The following SCAPER variants were observed in gnomAD, a reference collection of about 807,000 sequenced individuals.
SCAPER encodes the protein S phase cyclin A-associated protein in the endoplasmic reticulum.
SCAPER carries 98 observed loss-of-function variants against 182.2 expected under a neutral mutation model. That is an observed-to-expected ratio of 0.54 (90% CI 0.46 to 0.64). SCAPER has a LOEUF of 0.64. Ranked by LOEUF, SCAPER falls within the 30% of genes least tolerant of loss-of-function variation. The pLI is 0.00. For missense variants in SCAPER, 1,432 were observed against 1,690.0 expected, an observed-to-expected ratio of 0.85 and a Z score of 2.68; for synonymous variants, 605 against 564.6, an observed-to-expected ratio of 1.07 and a Z score of -1.01.
At chr15:76,736,134 T>C (rs1443346405) in intron 15 of SCAPER, among the ~76,000 whole-genome samples, 1 of 152,248 alleles carries the variant, frequency 6.6e-6, no homozygotes, top group South Asian at 2.1e-4. Flanking sequence ...GCATATAAGT[T>C]ATTTTTACAC....
At chr15:76,458,298 G>T (rs2048893949) in intron 25 of SCAPER, among the ~76,000 whole-genome samples, 1 of 151,700 alleles carries the variant, frequency 6.6e-6, no homozygotes, top group South Asian at 2.1e-4. Flanking sequence ...TAAAGGGAAA[G>T]AGAGAGAGAA....
At chr15:76,358,516 A>G (rs938908387) in intron 29 of SCAPER, among the ~76,000 whole-genome samples, 3 of 152,186 alleles carry the variant, frequency 2.0e-5, no homozygotes, top group Non-Finnish European at 4.4e-5. Context: ...GGGGCTGGTG[A>G]GGGCCTTCCT....
chr15:76,671,212 G>A (rs1465775493), intron 20 of SCAPER, among the ~76,000 whole-genome samples: 3 of 151,968 alleles, frequency 2.0e-5, no homozygotes, highest in Admixed American at 6.6e-5. Flanking sequence ...ATGCACCTGC[G>A]GTCCCAGCTC....
intron 3 of SCAPER, among the ~76,000 whole-genome samples, chr15:76,858,961 C>G (rs2151869487): frequency 6.6e-6 from 1 of 152,178 alleles, no homozygotes; most frequent in Admixed American, 6.5e-5. Context: ...TATGGTAGAA[C>G]AATTTATATT....
chr15:76,698,367 T>C (rs755091562), intron 20 of SCAPER, among the ~76,000 whole-genome samples: 70 of 152,156 alleles, frequency 4.6e-4, no homozygotes, highest in Non-Finnish European at 4.4e-4. Context: ...CAAACATGAA[T>C]ATGCAAGGCT....
intron 22 of SCAPER, among the ~76,000 whole-genome samples, chr15:76,611,846 A>G (rs2051026860): frequency 6.6e-6 from 1 of 152,178 alleles, no homozygotes; most frequent in South Asian, 2.1e-4. Context: ...CAAAAACCAC[A>G]TGATTATCTC....
intron 20 of SCAPER, among the ~76,000 whole-genome samples, chr15:76,697,476 C>A (rs1437268692): frequency 6.6e-6 from 1 of 152,158 alleles, no homozygotes; most frequent in Non-Finnish European, 1.5e-5. Flanking sequence ...CATTTTTCTT[C>A]CGAAGTGCGT....
At chr15:76,808,312 C>T (rs1313070321) in intron 5 of SCAPER, among the ~76,000 whole-genome samples, 1 of 152,150 alleles carries the variant, frequency 6.6e-6, no homozygotes, top group Non-Finnish European at 1.5e-5. Context: ...CCTGCTGCCC[C>T]TTTTCCCCTT....
intron 25 of SCAPER, among the ~76,000 whole-genome samples, chr15:76,462,174 T>C (rs867700346): frequency 6.6e-6 from 1 of 152,190 alleles, no homozygotes; most frequent in African/African-American, 2.4e-5. Context: ...GCACCAACTG[T>C]AGCCTGCCCT....
chr15:76,755,434 T>C (rs62028727), intron 14 of SCAPER, among the ~76,000 whole-genome samples: 10,201 of 152,260 alleles, frequency 0.067, 379 homozygotes, highest in Middle Eastern at 0.11. Flanking sequence ...CAAATTTAAA[T>C]CACACACTAA....
At chr15:76,801,520 T>C (rs988928660) in intron 6 of SCAPER, among the ~76,000 whole-genome samples, 14 of 152,244 alleles carry the variant, frequency 9.2e-5, no homozygotes, top group African/African-American at 2.9e-4. Flanking sequence ...ATTTGAAGAA[T>C]GCAAGATGGA....
chr15:76,464,481 T>C (rs1354915622), intron 25 of SCAPER, among the ~76,000 whole-genome samples: 1 of 152,100 alleles, frequency 6.6e-6, no homozygotes, highest in Non-Finnish European at 1.5e-5. Flanking sequence ...AAGCTGCATA[T>C]ATGAAAAGTC....
At chr15:76,566,156 GTGT>G (rs2047019702) in intron 23 of SCAPER, among the ~76,000 whole-genome samples, 1 of 152,142 alleles carries the variant, frequency 6.6e-6, no homozygotes, top group Non-Finnish European at 1.5e-5. Context: ...GCCTAGGCAT[GTGT>G]TACATAGTCA....
At chr15:76,843,425 G>A (rs527278956) in intron 4 of SCAPER, among the ~76,000 whole-genome samples, 19 of 152,232 alleles carry the variant, frequency 1.2e-4, no homozygotes, top group African/African-American at 4.1e-4. Context: ...AGACTGAATT[G>A]CCTGACAAAG....
intron 22 of SCAPER, among the ~76,000 whole-genome samples, chr15:76,596,051 G>A (rs2145730384): frequency 1.7e-5 from 2 of 119,854 alleles, no homozygotes; most frequent in Non-Finnish European, 2.0e-5. Flanking sequence ...CAACATAGAT[G>A]GACCACTAGC....
In SCAPER at chr15:76,895,187, C is replaced by G. The variant is rs184278133; in HGVS notation, c.-60+10112G>C. ...TATTGAAAGCATCATACACTATGATCAGGTAGGAATTATTTGTGGGTTGCA... is the reference window on the plus strand; with the variant it reads ...TATTGAAAGCATCATACACTATGATGAGGTAGGAATTATTTGTGGGTTGCA... On this transcript the variant is annotated intron_variant, in intron 1 of 31. Coordinates refer to ENST00000563290, the MANE Select transcript of SCAPER (RefSeq NM_020843.4). Among the ~76,000 whole-genome samples the G allele has an allele frequency of 1.9e-3, 292 of 152,222 alleles. 3 individuals carry two copies. Among genetic ancestry groups the G allele is most frequent in the African/African-American group, 6.4e-3 (264 of 41,550 alleles).
At chr15:76,636,510 G>A (rs2053618218) in intron 21 of SCAPER, among the ~76,000 whole-genome samples, 1 of 151,298 alleles carries the variant, frequency 6.6e-6, no homozygotes, top group Non-Finnish European at 1.5e-5. Flanking sequence ...GGAGAATTCT[G>A]AGTTAGGTAA....
At position 76,682,464 on chromosome 15, in the gene SCAPER, A is replaced by T. The variant is rs1393953835; in HGVS notation, c.2509-16675T>A. 2.6e-5 allele frequency among the ~76,000 whole-genome samples: 4 copies of T among 152,056 alleles called. No individual in the cohort carries two copies. In the South Asian group the frequency reaches 8.3e-4, roughly 32 times the overall value. On this transcript the variant is annotated intron_variant, in intron 20 of 31. Coordinates refer to ENST00000563290, the MANE Select transcript of SCAPER (RefSeq NM_020843.4). ...CACTGCAAGCGCGAGTGCAAACACA[A>T]ATGCTGGAAATCCTGCCCCACCCCT... is the stretch of plus-strand genomic sequence containing the variant.
chr15:76,852,128 A>C (rs945372668), intron 4 of SCAPER, among the ~76,000 whole-genome samples: 2 of 152,244 alleles, frequency 1.3e-5, no homozygotes, highest in Non-Finnish European at 2.9e-5. Flanking sequence ...GATTCAATTC[A>C]ACAAGACCTA....
Sources: allele counts gnomAD v4.1 joint callset (sites outside exome capture counted in the v4.1 genomes callset), GRCh38; gene constraint gnomAD v4.1.1; transcripts MANE v1.5; gene names NCBI Gene and HGNC (gene_info 2026-07-23, HGNC 2026-07-21).